Variants in RTEL1 observed in about 807,000 individuals in gnomAD.
RTEL1 encodes regulator of telomere length.
RTEL1 carries 86 observed loss-of-function variants against 162.2 expected under a neutral mutation model. The ratio of observed to expected loss-of-function variants is 0.53; its 90% confidence interval spans 0.45 to 0.63. The LOEUF is 0.63. Ranked by LOEUF, RTEL1 falls within the 30% of genes least tolerant of loss-of-function variation. The probability of loss-of-function intolerance (pLI) is 0.00; values close to 1 mark genes in which losing one functional copy is unlikely to be tolerated. For missense variants in RTEL1, 1,941 were observed against 1,750.2 expected, an observed-to-expected ratio of 1.11 and a Z score of -1.95; for synonymous variants, 958 against 717.9, an observed-to-expected ratio of 1.33 and a Z score of -5.35.
chr20:63,692,416 G>C (rs985265242), intron 28 of RTEL1: 16 of 313,206 alleles, frequency 5.1e-5, no homozygotes, highest in Non-Finnish European at 4.9e-5. Flanking sequence ...AGAGAGATGG[G>C]CACTGCTCAT....
At position 63,661,898 on chromosome 20, in the gene RTEL1, C is replaced by T. The variant is rs372278974; in HGVS notation, c.350C>T (p.Ser117Leu). 3.0e-5 allele frequency: 49 copies of T among 1,613,904 alleles called. No homozygotes were observed. Among genetic ancestry groups the T allele is most frequent in the Non-Finnish European group, 3.7e-5 (44 of 1,179,992 alleles). ...ATTATTTACGCCTCCAGGACCCACT[C>T]GCAACTCACACAGGTCATCAACGAG... ...PKIIYASRTH[S>L]QLTQVINELR... is the part of the protein sequence containing the mutation. Residue 117 changes from serine to leucine, a missense_variant, in exon 4 of 35, where the codon TCG becomes TTG. Physicochemically the swap from Ser to Leu is moderately radical, Grantham distance 145. Coordinates refer to ENST00000360203, the MANE Select transcript of RTEL1 (RefSeq NM_001283009.2). The surrounding 1 kb of genome is among the most constrained non-coding windows in gnomAD (Gnocchi z 5.1).
rs764646296 is a variant in RTEL1 at position 63,662,640 on chromosome 20, G to C, written c.477+13G>C. The C allele has an allele frequency of 3.7e-6, 6 of 1,613,384 alleles. No homozygotes were observed. The Admixed American group carries it at 6.7e-5, about 18-fold the overall frequency. On this transcript the variant is annotated intron_variant, in intron 5 of 34. Transcript: ENST00000360203. ...TAACCATCTACAGGTAGGCTCCTGG[G>C]CTCCCGCTCCGGCTCAGTGTCCGAC...
chr20:63,695,379 TC>T lies in RTEL1; in HGVS notation c.3553del (p.Arg1186AspfsTer178), dbSNP rs1363124795. On this transcript the variant is annotated frameshift_variant, in exon 34 of 35. Coordinates refer to ENST00000360203, the MANE Select transcript of RTEL1 (RefSeq NM_001283009.2). LOFTEE classifies it high-confidence loss of function. ...AAGACCCAGAGCAAGATCTCGTCCT[TC>T]CTTAGACAGAGGCCAGCAGGGACTG... ...TGKTQSKISS[F>X]LRQRPAGTVG... The T allele has an allele frequency of 1.3e-6, 2 of 1,554,064 alleles. No homozygotes were observed. Among genetic ancestry groups the T allele is most frequent in the Non-Finnish European group, 1.7e-6 (2 of 1,149,774 alleles).
At position 63,694,833 on chromosome 20, in the gene RTEL1, C is replaced by T. The variant is rs762640318; in HGVS notation, c.3202C>T (p.Arg1068Cys). The T allele has an allele frequency of 2.9e-5, 47 of 1,612,582 alleles. No individual in the cohort carries two copies. The highest frequency in any genetic ancestry group is 1.8e-4 in the South Asian group (16 of 91,080). ...CGTGAGCGCCTACCTGGCTGATGCC[C>T]GCAGGGCCCTGGGGTCCGCGGGCTG... is the stretch of plus-strand genomic sequence containing the variant. ...HAVSAYLADA[R>C]RALGSAGCSQ... The change falls in exon 32 of 35, where the codon CGC (arginine) becomes TGC (cysteine). Residue 1068 changes from arginine (R) to cysteine (C), a missense_variant. Coordinates refer to ENST00000360203, the MANE Select transcript of RTEL1 (RefSeq NM_001283009.2).
intron 26 of RTEL1, 47 bp from the exon 27 acceptor site, chr20:63,690,758 G>A: frequency 6.4e-7 from 1 of 1,551,796 alleles, no homozygotes; most frequent in Non-Finnish European, 8.7e-7. Context: ...AGGGACCCCA[G>A]CTGGGGCCCC....
At chr20:63,678,088 C>A (rs183246776) in intron 10 of RTEL1, 57 bp from the exon 11 acceptor site, 1,500 of 1,600,934 alleles carry the variant, frequency 9.4e-4, no homozygotes, top group Non-Finnish European at 1.2e-3. Flanking sequence ...TTCTCAAGGG[C>A]GGGGTTGTTG....
Position 63,666,077 on chromosome 20 carries a change from C to T in RTEL1, c.612C>T (p.His204=), listed in dbSNP as rs142711955. The T allele has an allele frequency of 5.6e-4, 907 of 1,613,922 alleles. 2 individuals are homozygous for T. Among genetic ancestry groups the T allele is most frequent in the Admixed American group, 1.0e-3 (60 of 60,014 alleles). ...IEDLVKSGSK[H]RVCPYYLSRN... ...ACTTGGTCAAGAGCGGAAGCAAGCA[C>T]AGGTGAGACCCCTCAGTGAGGCCAC... Residue 204 remains histidine, a splice_region_variant and synonymous_variant, in exon 7 of 35, where the codon CAC becomes CAT. Coordinates refer to ENST00000360203, the MANE Select transcript of RTEL1 (RefSeq NM_001283009.2).
rs868548189 is a variant in RTEL1, at chr20:63,693,417, G to C, written c.2992+134G>C. On this transcript the variant is annotated intron_variant, in intron 30 of 34. Coordinates refer to ENST00000360203, the MANE Select transcript of RTEL1 (RefSeq NM_001283009.2). ...TCTCTGTTCCCCTATGGGAGTGATG[G>C]GGGCCTCCACCTCCACCACCAGCAC... The C allele has an allele frequency of 4.0e-5, 42 of 1,042,144 alleles. 1 individual carries two copies. In the South Asian group the frequency reaches 5.9e-4, roughly 15 times the overall value. The allele number at this position is 1,042,144 out of a possible 1,614,324, so 64.6% of individuals were successfully genotyped here.
At chr20:63,674,120 C>G (rs946916827) in intron 10 of RTEL1, 27 bp downstream of exon 10, 1 of 1,585,778 alleles carries the variant, frequency 6.3e-7, no homozygotes, top group African/African-American at 1.4e-5. Flanking sequence ...ACTGCTTGGT[C>G]CTGAGGCCTG....
chr20:63,693,065 G>A (rs563228601), intron 29 of RTEL1, 62 bp downstream of exon 29: 3 of 1,609,664 alleles, frequency 1.9e-6, no homozygotes, highest in South Asian at 1.1e-5. Flanking sequence ...TGTGGGGTGG[G>A]GGCCATCTGG....
At chr20:63,665,973 G>T in intron 6 of RTEL1, 31 bp from the exon 7 acceptor site, 1 of 1,606,546 alleles carries the variant, frequency 6.2e-7, no homozygotes, top group Non-Finnish European at 8.5e-7. Context: ...GACCCTGAGG[G>T]TGTGTGTTTA....
chr20:63,691,010 G>C, intron 27 of RTEL1, 63 bp downstream of exon 27: 2 of 1,463,112 alleles, frequency 1.4e-6, no homozygotes, highest in South Asian at 1.3e-5. Flanking sequence ...ACCCGACCCC[G>C]CCCATCTGGC....
At chr20:63,693,663 TCCACCACCACCACCACCACCACCACCA>T (rs1568721401) in intron 30 of RTEL1, among the ~76,000 whole-genome samples, 1 of 2,706 alleles carries the variant, frequency 3.7e-4, no homozygotes. Context: ...CACCACCACC[TCCACCACCACCACCACCACCACCACCA>T]CCACCACCAC....
chr20:63,663,533 C>G (rs1055416189), intron 6 of RTEL1, among the ~76,000 whole-genome samples: 1 of 152,220 alleles, frequency 6.6e-6, no homozygotes, highest in African/African-American at 2.4e-5. Context: ...GGGTGCTTCT[C>G]CACCCACGTG....
chr20:63,667,170 G>A (rs1206477504), intron 7 of RTEL1, among the ~76,000 whole-genome samples: 2 of 152,126 alleles, frequency 1.3e-5, no homozygotes, highest in Non-Finnish European at 2.9e-5. Flanking sequence ...GTTCTGCGTT[G>A]TGTTTGTTTC....
At chr20:63,688,958 A>T (rs2090659269) in intron 21 of RTEL1, 97 bp from the exon 22 acceptor site, 1 of 1,108,158 alleles carries the variant, frequency 9.0e-7, no homozygotes, top group African/African-American at 1.5e-5. Context: ...GGCTAGGACG[A>T]TCCTTCATCT....
chr20:63,661,984 A>G lies in RTEL1; in HGVS notation c.395+41A>G, dbSNP rs758558267. The G allele has an allele frequency of 4.1e-6, 6 of 1,479,172 alleles. No individual in the cohort carries two copies. The East Asian group carries it at 1.4e-4, about 33-fold the overall frequency. 91.6% of individuals were successfully genotyped at this position (1,479,172 alleles called of 1,614,324 possible). The stretch of plus-strand genomic sequence containing the variant: ...TTACACCTGTCTCGGGGTCCTCAAG[A>G]GAACCAGCTTGGCATGGTGCTGAGT... On this transcript the variant is annotated intron_variant, in intron 4 of 34. Transcript: ENST00000360203. This position sits in a 1 kb window ranked among gnomAD's most constrained non-coding sequence, Gnocchi z 5.1.
intron 24 of RTEL1, 39 bp from the exon 25 acceptor site, chr20:63,690,048 G>A (rs377174316): frequency 1.3e-4 from 212 of 1,598,634 alleles, no homozygotes; most frequent in Middle Eastern, 3.4e-4. Flanking sequence ...CCCTTGAAGC[G>A]GCTGTGGGCA....
At chr20:63,667,411 T>C (rs1011947476) in intron 7 of RTEL1, 58 bp from the exon 8 acceptor site, 38 of 1,392,532 alleles carry the variant, frequency 2.7e-5, no homozygotes, top group Non-Finnish European at 3.6e-5. Flanking sequence ...CATGGCGGCC[T>C]CGGGGCACCG....
Sources: allele counts gnomAD v4.1 joint callset (sites outside exome capture counted in the v4.1 genomes callset), GRCh38; gene constraint gnomAD v4.1.1; non-coding constraint Gnocchi (gnomAD v3.1); transcripts MANE v1.5; gene names NCBI Gene and HGNC (gene_info 2026-07-23, HGNC 2026-07-21).